The following CFAP300 variants were observed in gnomAD, a reference collection of about 807,000 sequenced individuals.
CFAP300 encodes cilia and flagella associated protein 300.
A neutral mutation model predicts 33.0 loss-of-function variants in CFAP300; 32 were observed. The observed-to-expected ratio is 0.97, with a 90% CI of 0.73 to 1.30. The LOEUF (loss-of-function observed/expected upper bound fraction) is 1.30, where lower values mean the gene tolerates loss of function less well. CFAP300 is among the 50% of genes most tolerant of loss of function. The pLI is 0.00. For missense variants in CFAP300, 356 were observed against 318.1 expected, an observed-to-expected ratio of 1.12 and a Z score of -0.90; for synonymous variants, 102 against 106.8, an observed-to-expected ratio of 0.95 and a Z score of 0.28.
At chr11:102,076,301 G>A (rs1355858258) in intron 5 of CFAP300, among the ~76,000 whole-genome samples, 2 of 151,784 alleles carry the variant, frequency 1.3e-5, no homozygotes, top group South Asian at 4.2e-4. Flanking sequence ...ATTCAGACCT[G>A]TTACAAACTG....
intron 2 of CFAP300, among the ~76,000 whole-genome samples, chr11:102,053,269 G>A (rs1370062392): frequency 1.3e-5 from 2 of 150,304 alleles, no homozygotes; most frequent in Non-Finnish European, 3.0e-5. Flanking sequence ...TTAAAAAAAG[G>A]CTGGGCACAG....
At chr11:102,054,483 A>G (rs1038736274) in intron 2 of CFAP300, among the ~76,000 whole-genome samples, 1 of 152,156 alleles carries the variant, frequency 6.6e-6, no homozygotes, top group Non-Finnish European at 1.5e-5. Context: ...CTGTAATCCC[A>G]ACACTTTGGG....
chr11:102,068,566 C>A (rs1002084438), intron 4 of CFAP300, among the ~76,000 whole-genome samples: 3 of 152,150 alleles, frequency 2.0e-5, no homozygotes, highest in African/African-American at 7.2e-5. Context: ...GTGGGCAGAT[C>A]ACCTGAGGTC....
chr11:102,050,545 AG>A (rs760197651), intron 2 of CFAP300, among the ~76,000 whole-genome samples: 2 of 152,250 alleles, frequency 1.3e-5, no homozygotes, highest in Non-Finnish European at 2.9e-5. Context: ...TTTAGTTCCT[AG>A]GTCTATATAG....
At chr11:102,059,457 TG>T (rs1356651284) in intron 3 of CFAP300, among the ~76,000 whole-genome samples, 1 of 152,000 alleles carries the variant, frequency 6.6e-6, no homozygotes, top group Non-Finnish European at 1.5e-5. Context: ...AAGACCAGCC[TG>T]GCCAGCATGG....
chr11:102,048,416 C>T (rs1354345386), intron 2 of CFAP300, among the ~76,000 whole-genome samples: 1 of 152,058 alleles, frequency 6.6e-6, no homozygotes, highest in Admixed American at 6.6e-5. Context: ...GGCAGAGTCT[C>T]ACTATGTTAC....
chr11:102,051,216 G>A (rs1941964694), intron 2 of CFAP300, among the ~76,000 whole-genome samples: 2 of 152,166 alleles, frequency 1.3e-5, no homozygotes, highest in Admixed American at 1.3e-4. Flanking sequence ...GTACATACAA[G>A]TGGCAGTATT....
At chr11:102,063,477 C>A (rs1198495864) in intron 3 of CFAP300, among the ~76,000 whole-genome samples, 1 of 152,184 alleles carries the variant, frequency 6.6e-6, no homozygotes, top group Non-Finnish European at 1.5e-5. Flanking sequence ...TACCCATATC[C>A]AATTTTTATG....
chr11:102,055,729 G>C (rs2135017651), intron 2 of CFAP300, among the ~76,000 whole-genome samples: 1 of 141,346 alleles, frequency 7.1e-6, no homozygotes, highest in Admixed American at 7.3e-5. Flanking sequence ...CTGGAGTGCA[G>C]TGGCACGATC....
At chr11:102,047,656 G>A (rs1941902665) in intron 1 of CFAP300, 76 bp downstream of exon 1, 2 of 1,474,670 alleles carry the variant, frequency 1.4e-6, no homozygotes, top group Admixed American at 2.0e-5. Flanking sequence ...GGCGTCGAGG[G>A]GCCCGCGCGG....
In CFAP300 at chr11:102,053,363, C is replaced by A. The variant is rs182809309; in HGVS notation, c.192+5467C>A. ...AGTCGGGAGTTCAAGACCAGCCTGA[C>A]AAACATGGAGAAACCCAATCTCTAC... On this transcript the variant is annotated intron_variant, in intron 2 of 6. Transcript: ENST00000434758. 1.6e-3 allele frequency among the ~76,000 whole-genome samples: 246 copies of A among 152,126 alleles called. 1 individual carries two copies. Among genetic ancestry groups the A allele is most frequent in the African/African-American group, 5.8e-3 (240 of 41,498 alleles).
chr11:102,066,577 C>G lies in CFAP300; in HGVS notation c.361C>G (p.Arg121Gly), dbSNP rs561237622. The change falls in exon 4 of 7, where the codon CGA becomes GGA. Residue 121 changes from arginine (R) to glycine (G), a missense_variant. Physicochemically the swap from Arg to Gly is moderately radical, Grantham distance 125. Transcript: ENST00000434758. The part of the protein sequence containing the change: ...FHRLYDEDIV[R>G]DSGHIVKCLD... ...TCGGTTATATGATGAAGATATTGTA[C>G]GAGACAGTGGACATATTGTTAAATG... The G allele has an allele frequency of 1.9e-6, 3 of 1,611,106 alleles. No homozygotes were observed. The highest frequency in any genetic ancestry group is 2.5e-6 in the Non-Finnish European group (3 of 1,178,818).
At chr11:102,082,591 CATTA>C (rs1565399871) in intron 6 of CFAP300, among the ~76,000 whole-genome samples, 1 of 152,076 alleles carries the variant, frequency 6.6e-6, no homozygotes, top group Non-Finnish European at 1.5e-5. Context: ...TATTTTAAAT[CATTA>C]ATTAACTGCC....
chr11:102,057,792 CACT>C (rs1942082217), intron 2 of CFAP300: 1 of 152,306 alleles, frequency 6.6e-6, no homozygotes, highest in South Asian at 2.1e-4. Context: ...TGGCAGAGAC[CACT>C]TTCAGGCCAG....
intron 2 of CFAP300, among the ~76,000 whole-genome samples, chr11:102,053,520 C>T (rs888810046): frequency 2.0e-5 from 3 of 151,880 alleles, no homozygotes; most frequent in Admixed American, 1.3e-4. Context: ...CATTGCACTC[C>T]AGCCTGGGCA....
In CFAP300 at chr11:102,048,446, C is replaced by T. The variant is rs533416886; in HGVS notation, c.192+550C>T. Among the ~76,000 whole-genome samples, 3 of 152,244 alleles carry T rather than the reference C, an allele frequency of 2.0e-5. No individual in the cohort carries two copies. In the South Asian group the frequency reaches 6.2e-4, roughly 32 times the overall value. On this transcript the variant is annotated intron_variant, in intron 2 of 6. Coordinates refer to ENST00000434758, the MANE Select transcript of CFAP300 (RefSeq NM_032930.3). Reference sequence around the variant, plus strand: ...TGTTACCCAGGCTAGTCTTGAATCCCCGGGCTCCCAAAGTGCTGGGGAGTA... The same window carrying T: ...TGTTACCCAGGCTAGTCTTGAATCCTCGGGCTCCCAAAGTGCTGGGGAGTA...
intron 2 of CFAP300, among the ~76,000 whole-genome samples, chr11:102,054,220 C>T (rs1158890483): frequency 6.6e-6 from 1 of 152,200 alleles, no homozygotes; most frequent in African/African-American, 2.4e-5. Flanking sequence ...TCTATATGAA[C>T]ATTTTTTCCC....
At chr11:102,081,772 G>T (rs1027726047) in intron 6 of CFAP300, among the ~76,000 whole-genome samples, 1 of 151,438 alleles carries the variant, frequency 6.6e-6, no homozygotes, top group Non-Finnish European at 1.5e-5. Flanking sequence ...CGCGCCTGTA[G>T]TCCCAGCTTT....
chr11:102,058,126 A>G (rs1302634658), intron 2 of CFAP300, among the ~76,000 whole-genome samples: 1 of 152,102 alleles, frequency 6.6e-6, no homozygotes, highest in Non-Finnish European at 1.5e-5. Flanking sequence ...GCAGTTCTGC[A>G]TATGATTTTG....
Sources: gnomAD v4.1 joint callset for allele counts (sites outside exome capture counted in the v4.1 genomes callset) on GRCh38, gnomAD v4.1.1 for gene constraint, MANE v1.5 for transcripts, NCBI Gene and HGNC (gene_info 2026-07-23, HGNC 2026-07-21) for gene names.